SMARCA1: variants seen among roughly 807,000 people sequenced by gnomAD.
The protein encoded by SMARCA1 is SNF2 related chromatin remodeling ATPase 1, also known as SWI/SNF-related matrix-associated actin-dependent regulator of chromatin subfamily A member 1.
In SMARCA1, 17 loss-of-function variants were observed where a neutral mutation model predicts 93.6. That is an observed-to-expected ratio of 0.18 (90% CI 0.12 to 0.27). The LOEUF is 0.27. SMARCA1 is among the 10% of genes least tolerant of loss of function. SMARCA1 has a pLI of 1.00. For missense variants in SMARCA1, 630 were observed against 819.0 expected (o/e 0.77, Z 2.82); for synonymous variants, 271 against 271.4 (o/e 1.00, Z 0.01).
At chrX:129,496,974 A>T in intron 11 of SMARCA1, 103 bp from the exon 12 acceptor site, 1 of 639,898 alleles carries the variant, frequency 1.6e-6, no homozygotes, top group East Asian at 3.3e-5. Context: ...GCACATGAAC[A>T]CTCCACTAAC....
At chrX:129,476,400 G>A (rs1363097087) in intron 19 of SMARCA1, among the ~76,000 whole-genome samples, 1 of 111,936 alleles carries the variant, frequency 8.9e-6, no homozygotes. Context: ...GGGAAAGGGG[G>A]AGAAAAACAG....
At position 129,481,068 on chromosome X, in the gene SMARCA1, G is replaced by A. The variant is rs762039741; in HGVS notation, c.2328+7C>T. Reference sequence around the variant, plus strand: ...AGGACATAAAAACTGGCCTTGTACAGTTTTACCTTTGGAATCTTTGGCTCG... The same window carrying A: ...AGGACATAAAAACTGGCCTTGTACAATTTTACCTTTGGAATCTTTGGCTCG... On this transcript the variant is annotated splice_region_variant and intron_variant, in intron 18 of 24. Transcript: ENST00000371121. 5.2e-6 allele frequency: 6 copies of A among 1,152,478 alleles called. No individual in the cohort carries two copies. Among genetic ancestry groups the A allele is most frequent in the Non-Finnish European group, 7.1e-6 (6 of 843,662 alleles). 95.0% of individuals were successfully genotyped at this position (1,152,478 alleles called of 1,213,427 possible).
chrX:129,451,493 T>G (rs1378275531), intron 23 of SMARCA1, among the ~76,000 whole-genome samples: 1 of 111,325 alleles, frequency 9.0e-6, no homozygotes, highest in Non-Finnish European at 1.9e-5. Flanking sequence ...TGAGACAGCC[T>G]CCTAAGCAGG....
chrX:129,514,010 G>A (rs6529386), intron 5 of SMARCA1, among the ~76,000 whole-genome samples: 1 of 112,097 alleles, frequency 8.9e-6, no homozygotes, highest in Non-Finnish European at 1.9e-5. Context: ...CTCTTAAATC[G>A]CATTTTATTA....
In SMARCA1 at chrX:129,498,069, T is replaced by C. The variant is rs1934405498; in HGVS notation, c.1280A>G (p.Tyr427Cys). Residue 427 changes from tyrosine (Y) to cysteine (C), a missense_variant and splice_region_variant, in exon 11 of 25, where the codon TAT (tyrosine) becomes TGT (cysteine). Around this residue, in one of 4 missense-constraint regions of SMARCA1, gnomAD observed 382 missense variants for 537.9 expected, o/e 0.71. Coordinates refer to ENST00000371121, the MANE Select transcript of SMARCA1 (RefSeq NM_001282874.2). ...AATATCTTTCATCAGGATTTTTGTATACCTAAAAATTTAAACTATAATTAA... is the reference window on the plus strand; with the variant it reads ...AATATCTTTCATCAGGATTTTTGTACACCTAAAAATTTAAACTATAATTAA... ...LGLSKMQREW[Y>C]TKILMKDIDV... is the part of the protein sequence containing the mutation. 1 of 1,090,939 alleles carries C rather than the reference T, an allele frequency of 9.2e-7. No homozygotes were observed. Among genetic ancestry groups the C allele is most frequent in the Non-Finnish European group, 1.3e-6 (1 of 787,122 alleles). The allele number at this position is 1,090,939 out of a possible 1,213,427, so 89.9% of individuals were successfully genotyped here.
chrX:129,490,732 T>C (rs1375864390), intron 14 of SMARCA1, among the ~76,000 whole-genome samples: 3 of 110,926 alleles, frequency 2.7e-5, no homozygotes, highest in Admixed American at 9.6e-5. Context: ...TAAAACCATC[T>C]AGGGAGAGTA....
Position 129,480,824 on chromosome X carries a change from A to G in SMARCA1, c.2329-10T>C. The G allele has an allele frequency of 9.6e-7, 1 of 1,041,377 alleles. No individual in the cohort carries two copies. The highest frequency in any genetic ancestry group is 1.3e-6 in the Non-Finnish European group (1 of 764,060). 85.8% of individuals were successfully genotyped at this position (1,041,377 alleles called of 1,213,427 possible). A position where few individuals can be genotyped will look rare whatever the true frequency, so the allele number is the denominator to read the frequency against. ...TTGGAGGCCGTGGAGCCTATGAGGG[A>G]GGAAAATGTATTATATATACTTCTT... On this transcript the variant is annotated splice_polypyrimidine_tract_variant and intron_variant, in intron 18 of 24. Transcript: ENST00000371121.
chrX:129,510,031 T>C (rs1934968823), intron 6 of SMARCA1, among the ~76,000 whole-genome samples: 1 of 112,638 alleles, frequency 8.9e-6, no homozygotes, highest in South Asian at 3.6e-4. Context: ...CTATATGTAA[T>C]GATCTGGACT....
intron 17 of SMARCA1, among the ~76,000 whole-genome samples, chrX:129,484,983 T>C (rs191147610): frequency 1.2e-3 from 136 of 112,385 alleles, no homozygotes; most frequent in African/African-American, 4.1e-3. Flanking sequence ...GGCGCTGCCC[T>C]GTGGAGCGAC....
intron 15 of SMARCA1, 82 bp from the exon 16 acceptor site, chrX:129,489,167 C>T (rs1208599046): frequency 1.7e-5 from 10 of 590,040 alleles, no homozygotes; most frequent in Non-Finnish European, 2.7e-5. Flanking sequence ...GACATTATCA[C>T]ATTTAACCAC....
intron 16 of SMARCA1, 50 bp downstream of exon 16, chrX:129,488,887 G>A (rs987878036): frequency 1.2e-5 from 10 of 814,836 alleles, no homozygotes; most frequent in African/African-American, 2.0e-5. Flanking sequence ...GCTGAAGTAT[G>A]TTGATATTAA....
intron 23 of SMARCA1, among the ~76,000 whole-genome samples, chrX:129,449,790 C>A (rs755165074): frequency 4.6e-4 from 51 of 110,083 alleles, no homozygotes; most frequent in African/African-American, 1.7e-3. Context: ...CCAACACACA[C>A]ACACACAAAT....
intron 5 of SMARCA1, among the ~76,000 whole-genome samples, chrX:129,512,646 C>T (rs1467994802): frequency 8.9e-6 from 1 of 112,086 alleles, no homozygotes; most frequent in South Asian, 3.7e-4. Flanking sequence ...AAACTGCTTT[C>T]GGTTTTATCT....
At chrX:129,495,230 A>T (rs1282749952) in intron 12 of SMARCA1, among the ~76,000 whole-genome samples, 1 of 113,091 alleles carries the variant, frequency 8.8e-6, no homozygotes, top group Non-Finnish European at 1.9e-5. Context: ...TGGAATAAGC[A>T]GGTAAATAAT....
intron 17 of SMARCA1, among the ~76,000 whole-genome samples, chrX:129,485,216 C>G (rs1698661442): frequency 1.8e-5 from 2 of 112,170 alleles, no homozygotes; most frequent in South Asian, 3.7e-4. Flanking sequence ...GCAGGGCTGC[C>G]CAAGGGCTCG....
rs1225922003 is a variant in SMARCA1, at chrX:129,447,082, T to C, written c.*80A>G. Reference sequence around the variant, plus strand: ...GAGATTTTTCTTAGAGTACCATGAATACACTGGAACTGGCAATTAGCATTT... The same window carrying C: ...GAGATTTTTCTTAGAGTACCATGAACACACTGGAACTGGCAATTAGCATTT... On this transcript the variant is annotated 3_prime_UTR_variant, in exon 25 of 25. Transcript: ENST00000371121. 2 of 773,058 alleles carry C rather than the reference T, an allele frequency of 2.6e-6. No homozygotes were observed. The highest frequency in any genetic ancestry group is 6.2e-5 in the Admixed American group (2 of 32,325). 63.7% of individuals were successfully genotyped at this position (773,058 alleles called of 1,213,427 possible).
chrX:129,462,214 T>G (rs145345426), intron 23 of SMARCA1, among the ~76,000 whole-genome samples: 4 of 112,370 alleles, frequency 3.6e-5, no homozygotes, highest in Non-Finnish European at 7.5e-5. Context: ...CAATCATTAG[T>G]AAGATTTTCA....
intron 21 of SMARCA1, among the ~76,000 whole-genome samples, chrX:129,467,925 T>C (rs1341258570): frequency 8.9e-6 from 1 of 112,314 alleles, no homozygotes; most frequent in Non-Finnish European, 1.9e-5. Context: ...AAACATCTTG[T>C]TTCAAATGAT....
intron 23 of SMARCA1, among the ~76,000 whole-genome samples, chrX:129,463,773 A>G (rs1412821288): frequency 9.1e-6 from 1 of 110,301 alleles, no homozygotes; most frequent in African/African-American, 3.3e-5. Context: ...CCCCATCTCT[A>G]CTAAAAATAC....
Sources: allele counts gnomAD v4.1 joint callset (sites outside exome capture counted in the v4.1 genomes callset), GRCh38; gene constraint gnomAD v4.1.1; regional missense constraint gnomAD v4.1.1; transcripts MANE v1.5; gene names NCBI Gene and HGNC (gene_info 2026-07-23, HGNC 2026-07-21).